The following DPYD variants were observed in gnomAD, a reference collection of about 807,000 sequenced individuals.
The protein encoded by DPYD is dihydropyrimidine dehydrogenase, also known as dihydropyrimidine dehydrogenase [NADP(+)].
Under a neutral mutation model 116.2 loss-of-function variants are expected in DPYD, and 109 were observed. The ratio of observed to expected loss-of-function variants is 0.94; its 90% CI spans 0.80 to 1.10. DPYD has a LOEUF of 1.10. DPYD is among the 50% of genes least tolerant of loss of function. The probability of loss-of-function intolerance (pLI) is 0.00; values close to 1 mark genes in which losing one functional copy is unlikely to be tolerated. For missense variants in DPYD, 1,302 were observed against 1,254.5 expected (o/e 1.04, Z -0.57); for synonymous variants, 440 against 432.0 (o/e 1.02, Z -0.23).
chr1:97,355,216 G>A (rs1390673162), intron 16 of DPYD, among the ~76,000 whole-genome samples: 2 of 151,766 alleles, frequency 1.3e-5, no homozygotes, highest in Non-Finnish European at 2.9e-5. Context: ...AGGAATAATA[G>A]GTATATGTTT....
At chr1:97,884,256 G>T (rs1183813769) in intron 1 of DPYD, among the ~76,000 whole-genome samples, 1 of 151,970 alleles carries the variant, frequency 6.6e-6, no homozygotes, top group Non-Finnish European at 1.5e-5. Context: ...AATCAATAAT[G>T]AACAACATAC....
chr1:97,528,335 ATAAT>A (rs145877706), intron 12 of DPYD, among the ~76,000 whole-genome samples: 8,064 of 152,286 alleles, frequency 0.053, 281 homozygotes, highest in East Asian at 0.13. Flanking sequence ...TTTCTACAAA[ATAAT>A]GATTCCATTT....
intron 16 of DPYD, among the ~76,000 whole-genome samples, chr1:97,343,509 A>G (rs1669688528): frequency 1.3e-5 from 2 of 152,168 alleles, no homozygotes; most frequent in Admixed American, 6.6e-5. Flanking sequence ...AATTTAAAAA[A>G]TATACTTGTC....
At chr1:97,895,735 A>G (rs752465320) in intron 1 of DPYD, among the ~76,000 whole-genome samples, 14 of 151,906 alleles carry the variant, frequency 9.2e-5, no homozygotes, top group Admixed American at 4.6e-4. Context: ...TTATGAATTT[A>G]AAGTTCATGC....
intron 14 of DPYD, among the ~76,000 whole-genome samples, chr1:97,406,892 A>C (rs75302512): frequency 0.013 from 1,954 of 152,250 alleles, 24 homozygotes; most frequent in South Asian, 0.023. Context: ...ATACACAAAC[A>C]AAAAGGTGTG....
At chr1:97,739,719 TG>T (rs1258471436) in intron 4 of DPYD, among the ~76,000 whole-genome samples, 17 of 152,214 alleles carry the variant, frequency 1.1e-4, no homozygotes, top group Admixed American at 5.2e-4. Context: ...ATTAGACACT[TG>T]GGCGAGCTCT....
intron 1 of DPYD, among the ~76,000 whole-genome samples, chr1:97,902,356 C>A (rs910074047): frequency 6.6e-6 from 1 of 151,784 alleles, no homozygotes; most frequent in Non-Finnish European, 1.5e-5. Flanking sequence ...TACGAGCCTA[C>A]TTCTGATAAG....
chr1:97,201,907 C>CT (rs56009010), intron 19 of DPYD, among the ~76,000 whole-genome samples: 23,497 of 142,212 alleles, frequency 0.17, 2,163 homozygotes, highest in East Asian at 0.37. Flanking sequence ...TCTCAAGCAG[C>CT]TTTTTTTTTT....
chr1:97,739,500 T>C (rs1664144651), intron 4 of DPYD, among the ~76,000 whole-genome samples: 2 of 152,284 alleles, frequency 1.3e-5, no homozygotes, highest in South Asian at 2.1e-4. Flanking sequence ...CCTAAATTTA[T>C]ATAAAAGTAT....
intron 3 of DPYD, among the ~76,000 whole-genome samples, chr1:97,787,377 T>G (rs947461575): frequency 3.9e-5 from 6 of 152,306 alleles, no homozygotes; most frequent in African/African-American, 1.4e-4. Flanking sequence ...AGATGCTATA[T>G]CACAACTGCT....
At chr1:97,381,687 T>C (rs1671977608) in intron 15 of DPYD, among the ~76,000 whole-genome samples, 1 of 152,182 alleles carries the variant, frequency 6.6e-6, no homozygotes, top group Admixed American at 6.5e-5. Flanking sequence ...TATAGTTAGA[T>C]TTAGTCTTCT....
chr1:97,903,267 C>T (rs1051463240), intron 1 of DPYD, among the ~76,000 whole-genome samples: 1 of 151,704 alleles, frequency 6.6e-6, no homozygotes, highest in Non-Finnish European at 1.5e-5. Flanking sequence ...GAAATAGCTC[C>T]GATTTCTTTT....
chr1:97,318,960 A>G (rs1190612335), intron 16 of DPYD, among the ~76,000 whole-genome samples: 1 of 125,344 alleles, frequency 8.0e-6, no homozygotes, highest in Non-Finnish European at 1.7e-5. Context: ...TGGAAACTGA[A>G]CAACCTGCTC....
At chr1:97,516,786 C>T (rs1000698109) in intron 12 of DPYD, among the ~76,000 whole-genome samples, 2 of 151,936 alleles carry the variant, frequency 1.3e-5, no homozygotes, top group African/African-American at 4.8e-5. Context: ...TTAAAGATTG[C>T]ATCAGGCCTT....
At chr1:97,245,049 T>C (rs991556062) in intron 18 of DPYD, among the ~76,000 whole-genome samples, 10 of 152,192 alleles carry the variant, frequency 6.6e-5, no homozygotes, top group African/African-American at 2.4e-4. Context: ...CCAGTGGCAA[T>C]ATTATTTTTA....
chr1:97,693,055 CCGAGGCCAGCGGATCA>C (rs1469564108), intron 6 of DPYD, among the ~76,000 whole-genome samples: 1 of 151,890 alleles, frequency 6.6e-6, no homozygotes, highest in African/African-American at 2.4e-5. Flanking sequence ...CTTTGGGAGG[CCGAGGCCAGCGGATCA>C]CGAGGTCAGG....
intron 16 of DPYD, among the ~76,000 whole-genome samples, chr1:97,316,204 G>A (rs1369699411): frequency 6.6e-6 from 1 of 151,756 alleles, no homozygotes; most frequent in Non-Finnish European, 1.5e-5. Context: ...AAACATCACT[G>A]AGAGGCTGGG....
intron 5 of DPYD, chr1:97,700,082 G>A (rs1471963116): frequency 2.8e-6 from 1 of 358,258 alleles, no homozygotes; most frequent in Non-Finnish European, 5.5e-6. Context: ...AAACATTCAA[G>A]AACTACTGAC....
intron 2 of DPYD, among the ~76,000 whole-genome samples, chr1:97,879,261 T>C (rs1672068439): frequency 6.6e-6 from 1 of 151,954 alleles, no homozygotes; most frequent in Non-Finnish European, 1.5e-5. Flanking sequence ...CATTATAGCT[T>C]ATTCTCATTG....
Sources: allele counts gnomAD v4.1 joint callset (sites outside exome capture counted in the v4.1 genomes callset), GRCh38; gene constraint gnomAD v4.1.1; transcripts MANE v1.5; gene names NCBI Gene and HGNC (gene_info 2026-07-23, HGNC 2026-07-21).